PDGFRL: variants seen among roughly 807,000 people sequenced by gnomAD.
PDGFRL encodes platelet-derived growth factor receptor-like protein.
In PDGFRL, 46 loss-of-function variants were observed where a neutral mutation model predicts 37.2. That is an observed-to-expected ratio of 1.24 (90% CI 0.98 to 1.58). PDGFRL has a LOEUF of 1.58. PDGFRL is among the 40% of genes most tolerant of loss of function. The pLI, the probability that PDGFRL is intolerant of heterozygous loss-of-function variation, is 0.00. For missense variants in PDGFRL, 692 were observed against 467.6 expected, an observed-to-expected ratio of 1.48 and a Z score of -4.43; for synonymous variants, 251 against 184.3, an observed-to-expected ratio of 1.36 and a Z score of -2.93.
upstream of PDGFRL, chr8:17,576,995 G>A: frequency 1.8e-6 from 1 of 553,140 alleles, no homozygotes; most frequent in Non-Finnish European, 3.1e-6. Context: ...TACATTTCAC[G>A]CTTAGCCTTT....
intron 5 of PDGFRL, among the ~76,000 whole-genome samples, chr8:17,641,408 G>C (rs1431212920): frequency 6.6e-6 from 1 of 152,186 alleles, no homozygotes; most frequent in Non-Finnish European, 1.5e-5. Context: ...AGGGATCTCT[G>C]TGAGACAAAG....
intron 4 of PDGFRL, among the ~76,000 whole-genome samples, chr8:17,632,111 C>G (rs892987760): frequency 2.6e-5 from 4 of 152,224 alleles, no homozygotes; most frequent in African/African-American, 9.6e-5. Context: ...GATGGCACTA[C>G]CTTCACCCAC....
At position 17,630,157 on chromosome 8, in the gene PDGFRL, G is replaced by C. The variant is rs544784634; in HGVS notation, c.799+1377G>C. 3.3e-5 allele frequency among the ~76,000 whole-genome samples: 5 copies of C among 152,272 alleles called. No homozygotes were observed. In the South Asian group the frequency reaches 1.0e-3, roughly 32 times the overall value. ...CCCTGCCTGGTGTCCTCTGCATTTT[G>C]TCCCGTCTTTCTTCTGTTTTCCCCA... On this transcript the variant is annotated intron_variant, in intron 4 of 5. Transcript: ENST00000251630.
chr8:17,614,375 G>T (rs1395636808), intron 2 of PDGFRL, among the ~76,000 whole-genome samples: 1 of 151,996 alleles, frequency 6.6e-6, no homozygotes, highest in Admixed American at 6.6e-5. Flanking sequence ...CACGTTTCCT[G>T]CATATCATTC....
At chr8:17,628,260 C>T (rs1585330434) in intron 3 of PDGFRL, among the ~76,000 whole-genome samples, 1 of 151,952 alleles carries the variant, frequency 6.6e-6, no homozygotes, top group Non-Finnish European at 1.5e-5. Flanking sequence ...TCCCAAAGTG[C>T]TGGGATTACA....
chr8:17,625,526 T>C (rs1013072876), intron 3 of PDGFRL, among the ~76,000 whole-genome samples: 1 of 152,184 alleles, frequency 6.6e-6, no homozygotes, highest in Non-Finnish European at 1.5e-5. Context: ...GATAAGTGGA[T>C]ATAAATACAT....
chr8:17,595,816 G>A (rs1804040602), intron 2 of PDGFRL, among the ~76,000 whole-genome samples: 1 of 152,214 alleles, frequency 6.6e-6, no homozygotes, highest in Non-Finnish European at 1.5e-5. Flanking sequence ...GTCAACAGGT[G>A]TGCAGCCTGC....
rs117141303 is a variant in PDGFRL, at chr8:17,621,546, G to A, written c.505+344G>A. ...GGTCTGTCCCTGCACTCCCCAATAC[G>A]GTGACCACTAAACATGTGTGGCTAC... is the stretch of plus-strand genomic sequence containing the variant. On this transcript the variant is annotated intron_variant, in intron 3 of 5. Coordinates refer to ENST00000251630, the MANE Select transcript of PDGFRL (RefSeq NM_001372073.1). Among the ~76,000 whole-genome samples the A allele has an allele frequency of 5.3e-3, 798 of 151,912 alleles. 2 individuals carry two copies. Among genetic ancestry groups the A allele is most frequent in the Admixed American group, 9.2e-3 (140 of 15,252 alleles).
intron 2 of PDGFRL, among the ~76,000 whole-genome samples, chr8:17,597,498 A>G (rs1804079147): frequency 6.6e-6 from 1 of 152,174 alleles, no homozygotes; most frequent in Admixed American, 6.5e-5. Context: ...GATCTAATGA[A>G]CTTTAGAGCT....
intron 1 of PDGFRL, among the ~76,000 whole-genome samples, chr8:17,579,059 G>C (rs1056676048): frequency 6.6e-6 from 1 of 152,054 alleles, no homozygotes; most frequent in Non-Finnish European, 1.5e-5. Flanking sequence ...TTAGCCGGGC[G>C]TGGTGGTGGG....
intron 2 of PDGFRL, among the ~76,000 whole-genome samples, chr8:17,596,940 T>G (rs1400751844): frequency 6.6e-6 from 1 of 152,216 alleles, no homozygotes; most frequent in African/African-American, 2.4e-5. Context: ...TTCCGTAGAA[T>G]GAGTTCTTTC....
chr8:17,609,629 C>A (rs1418440791), intron 2 of PDGFRL, among the ~76,000 whole-genome samples: 1 of 70,148 alleles, frequency 1.4e-5, no homozygotes, highest in Non-Finnish European at 2.5e-5. Flanking sequence ...CAGAGTGAGA[C>A]TCTGTAAAAA....
intron 2 of PDGFRL, 101 bp from the exon 3 acceptor site, chr8:17,620,950 T>C (rs530863274): frequency 2.3e-4 from 154 of 662,636 alleles, no homozygotes; most frequent in African/African-American, 3.7e-4. Flanking sequence ...CGGAGAAAGA[T>C]TGGGGCAAGT....
intron 1 of PDGFRL, among the ~76,000 whole-genome samples, chr8:17,584,072 A>G (rs1276274846): frequency 6.6e-6 from 1 of 152,192 alleles, no homozygotes. Context: ...GGCTTGGCCC[A>G]GGCTGGTATC....
chr8:17,606,132 A>C (rs1444724113), intron 2 of PDGFRL, among the ~76,000 whole-genome samples: 1 of 152,216 alleles, frequency 6.6e-6, no homozygotes, highest in African/African-American at 2.4e-5. Context: ...ATCTGCACAG[A>C]CTTTGGTAAA....
At chr8:17,627,057 G>A (rs951442212) in intron 3 of PDGFRL, among the ~76,000 whole-genome samples, 21 of 152,178 alleles carry the variant, frequency 1.4e-4, no homozygotes, top group Non-Finnish European at 2.6e-4. Flanking sequence ...GCTGTGTGAG[G>A]ACAGGCTGAG....
At chr8:17,624,977 T>A (rs116818780) in intron 3 of PDGFRL, among the ~76,000 whole-genome samples, 4,104 of 108,570 alleles carry the variant, frequency 0.038, 122 homozygotes, top group South Asian at 0.12. Context: ...TTATTTATTT[T>A]TTTATTTTTA....
At chr8:17,630,849 C>A (rs1804847002) in intron 4 of PDGFRL, among the ~76,000 whole-genome samples, 1 of 152,130 alleles carries the variant, frequency 6.6e-6, no homozygotes, top group South Asian at 2.1e-4. Context: ...TAGGCCCTGT[C>A]CCATGCAGCC....
At chr8:17,634,370 T>G (rs1431352528) in intron 5 of PDGFRL, among the ~76,000 whole-genome samples, 157 bp downstream of exon 5, 1 of 134,148 alleles carries the variant, frequency 7.5e-6, no homozygotes, top group Non-Finnish European at 1.5e-5. Context: ...GTATTGTTTG[T>G]TTTTTTTGAA....
Sources: gnomAD v4.1 joint callset for allele counts (sites outside exome capture counted in the v4.1 genomes callset) on GRCh38, gnomAD v4.1.1 for gene constraint, MANE v1.5 for transcripts, NCBI Gene and HGNC (gene_info 2026-07-23, HGNC 2026-07-21) for gene names.